UTP18: variants seen among roughly 807,000 people sequenced by gnomAD.
UTP18 encodes the protein UTP18 small subunit processome component.
A neutral mutation model predicts 61.1 loss-of-function variants in UTP18; 36 were observed. That is an observed-to-expected ratio of 0.59 (90% CI 0.45 to 0.78). The LOEUF is 0.78. Among genes scored for constraint, UTP18 ranks in the 30% least tolerant of loss-of-function variants. UTP18 has a pLI of 0.00. For synonymous variants in UTP18, 282 were observed against 251.1 expected (o/e 1.12, Z -1.16); for missense variants, 753 against 693.9 (o/e 1.09, Z -0.96).
At chr17:51,289,318 T>TC (rs758272720) in intron 11 of UTP18, among the ~76,000 whole-genome samples, 5 of 151,448 alleles carry the variant, frequency 3.3e-5, no homozygotes, top group Non-Finnish European at 7.4e-5. Context: ...TGCCTCAGTC[T>TC]CCTGAGTAGC....
chr17:51,273,427 T>G lies in UTP18; in HGVS notation c.688T>G (p.Ser230Ala). Residue 230 changes from serine to alanine, a missense_variant, in exon 5 of 14, where the codon TCT (serine) becomes GCT (alanine). Transcript: ENST00000225298. ...RTGNFISTSTSLPRGILKMKN... is the reference protein window; with the variant it reads ...RTGNFISTSTALPRGILKMKN... ...TGGGAATTTCATATCCACATCAACT[T>G]CTCTTCCAAGAGGAATCTTGAAGGT... is the stretch of plus-strand genomic sequence containing the variant. 1 of 1,610,774 alleles carries G rather than the reference T, an allele frequency of 6.2e-7. No homozygotes were observed. The highest frequency in any genetic ancestry group is 8.5e-7 in the Non-Finnish European group (1 of 1,178,550).
chr17:51,273,285 T>G (rs969565653), intron 4 of UTP18, 77 bp from the exon 5 acceptor site: 2 of 1,041,114 alleles, frequency 1.9e-6, no homozygotes, highest in Admixed American at 5.1e-5. Context: ...TGAAAATATA[T>G]TCATAGAAGT....
chr17:51,284,356 T>A (rs1205505265), intron 9 of UTP18, among the ~76,000 whole-genome samples: 1 of 152,200 alleles, frequency 6.6e-6, no homozygotes, highest in African/African-American at 2.4e-5. Flanking sequence ...GTAAACTATT[T>A]GTGCTTATTC....
At chr17:51,294,101 A>C in intron 12 of UTP18, 56 bp downstream of exon 12, 1 of 1,413,908 alleles carries the variant, frequency 7.1e-7, no homozygotes. Context: ...TTCTGACAGT[A>C]TGAAGAGATA....
chr17:51,280,373 A>G lies in UTP18; in HGVS notation c.1114-16A>G, dbSNP rs1368843910. The G allele has an allele frequency of 6.2e-7, 1 of 1,609,496 alleles. No individual in the cohort carries two copies. The highest frequency in any genetic ancestry group is 1.3e-5 in the African/African-American group (1 of 74,760). On this transcript the variant is annotated splice_polypyrimidine_tract_variant and intron_variant, in intron 8 of 13. Coordinates refer to ENST00000225298, the MANE Select transcript of UTP18 (RefSeq NM_016001.3). ...ATACTTTCTAACAGTTTGATAAATA[A>G]TATTTATTGTTTTAGACCAAAGAAC...
intron 10 of UTP18, among the ~76,000 whole-genome samples, chr17:51,287,141 G>T (rs540426381): frequency 1.4e-4 from 21 of 152,152 alleles, no homozygotes; most frequent in African/African-American, 5.1e-4. Context: ...TCTCTTTTTT[G>T]TATCACTTTT....
chr17:51,260,804 C>T lies in UTP18; in HGVS notation c.220C>T (p.Gln74Ter), dbSNP rs756567339. The T allele has an allele frequency of 1.9e-6, 3 of 1,584,312 alleles. No homozygotes were observed. The highest frequency in any genetic ancestry group is 1.1e-5 in the South Asian group (1 of 87,642). Residue 74 changes from glutamine (Q) to a stop codon, truncating the protein, a stop_gained, in exon 1 of 14, where the codon CAG becomes TAG. Coordinates refer to ENST00000225298, the MANE Select transcript of UTP18 (RefSeq NM_016001.3). LOFTEE classifies it high-confidence loss of function. Reference sequence around the variant, plus strand: ...GGCGGAGGAAGAGAGACGGCTCCGGCAGCGGAACCGCCTGAGGCTGGAGGA... The same window carrying T: ...GGCGGAGGAAGAGAGACGGCTCCGGTAGCGGAACCGCCTGAGGCTGGAGGA... ...AAAEEERRLR[Q>*]RNRLRLEEDK...
intron 7 of UTP18, among the ~76,000 whole-genome samples, chr17:51,279,687 T>G (rs1351284144): frequency 6.6e-6 from 1 of 152,188 alleles, no homozygotes; most frequent in African/African-American, 2.4e-5. Flanking sequence ...TTTAGTAAAT[T>G]AGAGGTATTA....
At chr17:51,287,935 A>T in intron 10 of UTP18, 94 bp from the exon 11 acceptor site, 3 of 959,038 alleles carry the variant, frequency 3.1e-6, no homozygotes, top group Non-Finnish European at 4.3e-6. Context: ...GATTCCTGTA[A>T]ATACCAGTTT....
intron 9 of UTP18, among the ~76,000 whole-genome samples, chr17:51,282,144 G>T (rs1393518943): frequency 6.6e-6 from 1 of 152,194 alleles, no homozygotes; most frequent in Non-Finnish European, 1.5e-5. Flanking sequence ...GTTTGGTAGC[G>T]GGAGACTTTC....
intron 4 of UTP18, among the ~76,000 whole-genome samples, chr17:51,269,896 C>T (rs1336842357): frequency 2.0e-5 from 3 of 150,362 alleles, no homozygotes; most frequent in Non-Finnish European, 3.0e-5. Context: ...ACTCTGTCAC[C>T]CAGGGCTGGA....
rs181394444 is a variant in UTP18, at chr17:51,292,083, T to A, written c.1504-1820T>A. Among the ~76,000 whole-genome samples the A allele has an allele frequency of 8.5e-4, 129 of 152,372 alleles. 2 individuals carry two copies. Among genetic ancestry groups the A allele is most frequent in the Non-Finnish European group, 1.2e-4 (8 of 68,036 alleles). ...AAACACAGTTAAGCCAAGGTACTTATCACAAATTTATATAATATCTGCCTT... is the reference window on the plus strand; with the variant it reads ...AAACACAGTTAAGCCAAGGTACTTAACACAAATTTATATAATATCTGCCTT... On this transcript the variant is annotated intron_variant, in intron 11 of 13. Coordinates refer to ENST00000225298, the MANE Select transcript of UTP18 (RefSeq NM_016001.3).
intron 11 of UTP18, among the ~76,000 whole-genome samples, chr17:51,291,297 G>T (rs1905232931): frequency 6.6e-6 from 1 of 152,208 alleles, no homozygotes; most frequent in Non-Finnish European, 1.5e-5. Context: ...TTTTAATCAG[G>T]TGAGATCATT....
In UTP18 at chr17:51,277,196, T is replaced by G; in HGVS notation, c.904T>G (p.Cys302Gly). The G allele has an allele frequency of 6.2e-7, 1 of 1,614,168 alleles. No homozygotes were observed. The highest frequency in any genetic ancestry group is 8.5e-7 in the Non-Finnish European group (1 of 1,180,024). Reference protein sequence around the residue: ...YLERFPIFKACFSANGEEVLA... With the variant: ...YLERFPIFKAGFSANGEEVLA... ...GGAAAGGTTTCCAATCTTTAAGGCT[T>G]GTTTTAGTGCTAATGGGGAAGAAGT... Residue 302 changes from cysteine to glycine, a missense_variant, in exon 7 of 14, where the codon TGT becomes GGT. Cys to Gly is a radical substitution (Grantham distance 159, BLOSUM62 -3). Transcript: ENST00000225298.
rs1364311121 is a variant in UTP18, at chr17:51,277,298, G to C, written c.1006G>C (p.Val336Leu). Residue 336 changes from valine to leucine, a missense_variant, in exon 7 of 14, where the codon GTG becomes CTG. By Grantham distance (32) the Val-to-Leu change is conservative. Transcript: ENST00000225298. ...TGGAAAGTTAATTCCTGTGCATCAAGTGAGAGGTAAGATTTCTGTTGAATG... is the reference window on the plus strand; with the variant it reads ...TGGAAAGTTAATTCCTGTGCATCAACTGAGAGGTAAGATTTCTGTTGAATG... The part of the protein sequence containing the change: ...LAGKLIPVHQ[V>L]RGLKEKIVRS... 6.2e-7 allele frequency: 1 copy of C among 1,613,918 alleles called. No homozygotes were observed. Among genetic ancestry groups the C allele is most frequent in the East Asian group, 2.2e-5 (1 of 44,874 alleles).
intron 11 of UTP18, among the ~76,000 whole-genome samples, chr17:51,291,867 G>GTGAA (rs1905248050): frequency 6.6e-6 from 1 of 152,226 alleles, no homozygotes; most frequent in East Asian, 1.9e-4. Flanking sequence ...AAGTTGGTGA[G>GTGAA]TGAATGCCTG....
At chr17:51,265,454 G>T (rs911777964) in intron 2 of UTP18, among the ~76,000 whole-genome samples, 1 of 150,504 alleles carries the variant, frequency 6.6e-6, no homozygotes. Flanking sequence ...GTAGAGGCAG[G>T]GTTCCACCAC....
In UTP18 at chr17:51,260,900, T is replaced by G. The variant is rs989549726; in HGVS notation, c.316T>G (p.Leu106Val). 6.3e-7 allele frequency: 1 copy of G among 1,593,740 alleles called. No homozygotes were observed. Among genetic ancestry groups the G allele is most frequent in the South Asian group, 1.1e-5 (1 of 88,572 alleles). Residue 106 changes from leucine (L) to valine (V), a missense_variant, in exon 1 of 14, where the codon TTG becomes GTG. Transcript: ENST00000225298. ...CGACGTCGAGAACGACGAGGACGCG[T>G]TGCTGCGGCGTCTGCGAGGCCCGAG... ...FGDVENDEDALLRRLRGPRVQ... is the reference protein window; with the variant it reads ...FGDVENDEDAVLRRLRGPRVQ...
intron 1 of UTP18, among the ~76,000 whole-genome samples, chr17:51,261,426 C>G (rs546186591): frequency 6.6e-6 from 1 of 152,262 alleles, no homozygotes; most frequent in East Asian, 1.9e-4. Flanking sequence ...ATTGGTGAAC[C>G]TGTTAGTTGC....
Sources: gnomAD v4.1 joint callset for allele counts (sites outside exome capture counted in the v4.1 genomes callset) on GRCh38, gnomAD v4.1.1 for gene constraint, MANE v1.5 for transcripts, NCBI Gene and HGNC (gene_info 2026-07-23, HGNC 2026-07-21) for gene names.